The following CADPS variants were observed in gnomAD, a reference collection of about 807,000 sequenced individuals.
The protein encoded by CADPS is calcium dependent secretion activator.
A neutral mutation model predicts 167.3 loss-of-function variants in CADPS; 57 were observed. The observed-to-expected ratio is 0.34, with a 90% confidence interval of 0.28 to 0.42. The LOEUF (loss-of-function observed/expected upper bound fraction) is 0.42, where lower values mean the gene tolerates loss of function less well. CADPS is among the 20% of genes least tolerant of loss of function. The probability of loss-of-function intolerance (pLI) is 1.00; values close to 1 mark genes in which losing one functional copy is unlikely to be tolerated. For synonymous variants in CADPS, 676 were observed against 635.3 expected (o/e 1.06, Z -0.96); for missense variants, 1,414 against 1,738.1 (o/e 0.81, Z 3.32).
intron 3 of CADPS, among the ~76,000 whole-genome samples, chr3:62,752,507 C>T (rs1473881890): frequency 1.3e-5 from 2 of 152,170 alleles, no homozygotes; most frequent in Non-Finnish European, 2.9e-5. Context: ...AAATAATTTT[C>T]CATTATCCAT....
At chr3:62,623,040 G>A (rs1160527096) in intron 6 of CADPS, among the ~76,000 whole-genome samples, 1 of 152,178 alleles carries the variant, frequency 6.6e-6, no homozygotes, top group Non-Finnish European at 1.5e-5. Context: ...ATTTTGAAAT[G>A]CACCTTTGTT....
chr3:62,650,877 C>G lies in CADPS; in HGVS notation c.1173G>C (p.Lys391Asn). The G allele has an allele frequency of 6.2e-7, 1 of 1,614,028 alleles. No individual in the cohort carries two copies. Among genetic ancestry groups the G allele is most frequent in the Non-Finnish European group, 8.5e-7 (1 of 1,179,950 alleles). ...MGEESENQLS[K>N]SDVVLSFSLE... ...ATGAGAAAGACAGCACGACATCTGA[C>G]TTGGAGAGCTGGTTCTCACTCTCCT... The change falls in exon 5 of 30, where the codon AAG becomes AAC. Residue 391 changes from lysine to asparagine, a missense_variant. Physicochemically the swap from Lys to Asn is moderately conservative, Grantham distance 94 (BLOSUM62 0). This residue lies in a region of CADPS where 522 missense variants were observed against 559.5 expected (regional missense o/e 0.93). Coordinates refer to ENST00000383710, the MANE Select transcript of CADPS (RefSeq NM_003716.4).
At chr3:62,711,360 T>G (rs529819912) in intron 3 of CADPS, among the ~76,000 whole-genome samples, 5 of 152,302 alleles carry the variant, frequency 3.3e-5, no homozygotes, top group Non-Finnish European at 7.3e-5. Flanking sequence ...CTAGTATTAT[T>G]TTGGTTTGTT....
chr3:62,765,251 C>G (rs1317390208), intron 2 of CADPS, among the ~76,000 whole-genome samples: 1 of 152,102 alleles, frequency 6.6e-6, no homozygotes, highest in Non-Finnish European at 1.5e-5. Flanking sequence ...AAATACAAAT[C>G]CACTTTACTG....
intron 28 of CADPS, among the ~76,000 whole-genome samples, chr3:62,415,864 G>GA (rs148554761): frequency 0.015 from 2,323 of 152,260 alleles, 30 homozygotes; most frequent in South Asian, 0.023. Context: ...TGGGAGTGGG[G>GA]ATGCTCTGCA....
Position 62,516,518 on chromosome 3 carries a change from C to T in CADPS, c.2457+62G>A, listed in dbSNP as rs542340162. 13 of 1,285,150 alleles carry T rather than the reference C, an allele frequency of 1.0e-5. No homozygotes were observed. In the East Asian group the frequency reaches 3.1e-4, roughly 30 times the overall value. The allele number at this position is 1,285,150 out of a possible 1,614,324, so 79.6% of individuals were successfully genotyped here. A position where few individuals can be genotyped will look rare whatever the true frequency, so the allele number is the denominator to read the frequency against. Reference sequence around the variant, plus strand: ...ACTAGGTCATTCAACCAAAACATTTCATTACAATTATGCTTATGTCTTTTT... The same window carrying T: ...ACTAGGTCATTCAACCAAAACATTTTATTACAATTATGCTTATGTCTTTTT... On this transcript the variant is annotated intron_variant, in intron 15 of 29. Transcript: ENST00000383710.
intron 24 of CADPS, among the ~76,000 whole-genome samples, chr3:62,468,665 A>G (rs2060221566): frequency 6.6e-6 from 1 of 152,208 alleles, no homozygotes; most frequent in African/African-American, 2.4e-5. Context: ...CAATTTTTCC[A>G]TGCCAAACTT....
chr3:62,541,141 C>T (rs1349185924), intron 11 of CADPS, among the ~76,000 whole-genome samples: 2 of 152,062 alleles, frequency 1.3e-5, no homozygotes, highest in African/African-American at 2.4e-5. Context: ...TTTCATTAAC[C>T]GTATTTTTCT....
chr3:62,622,835 A>C lies in CADPS; in HGVS notation c.1325+22887T>G, dbSNP rs2063402047. ...TAGCCAACTTCAAAGGCCTGCGCTA[A>C]AATTCAGCCACAGCGCATTTTTAAT... On this transcript the variant is annotated intron_variant, in intron 6 of 29. Transcript: ENST00000383710. Among the ~76,000 whole-genome samples the C allele has an allele frequency of 3.3e-5, 5 of 152,326 alleles. No homozygotes were observed. In the South Asian group the frequency reaches 1.0e-3, roughly 32 times the overall value.
intron 1 of CADPS, among the ~76,000 whole-genome samples, chr3:62,797,296 C>T (rs956934829): frequency 1.5e-4 from 23 of 152,134 alleles, no homozygotes; most frequent in Middle Eastern, 3.4e-3. Context: ...TGTCCTGTGA[C>T]GGTGTTTGGT....
At chr3:62,654,497 A>C (rs908557015) in intron 4 of CADPS, among the ~76,000 whole-genome samples, 2 of 152,140 alleles carry the variant, frequency 1.3e-5, no homozygotes, top group African/African-American at 2.4e-5. Context: ...CCCATGGAAA[A>C]TACTGTAGGC....
At chr3:62,815,102 T>C (rs2094553849) in intron 1 of CADPS, among the ~76,000 whole-genome samples, 1 of 152,150 alleles carries the variant, frequency 6.6e-6, no homozygotes, top group Non-Finnish European at 1.5e-5. Flanking sequence ...CTGCTGTTCT[T>C]AAAATAAATG....
chr3:62,586,075 G>A (rs833641), intron 7 of CADPS, among the ~76,000 whole-genome samples: 532 of 152,248 alleles, frequency 3.5e-3, no homozygotes, highest in Middle Eastern at 6.8e-3. Context: ...TCCACTTTTC[G>A]CTTTGTGATC....
intron 9 of CADPS, among the ~76,000 whole-genome samples, chr3:62,560,819 G>A (rs1310350266): frequency 1.3e-5 from 2 of 152,260 alleles, no homozygotes; most frequent in African/African-American, 2.4e-5. Context: ...AGTGGCTTAC[G>A]CCTGTAATCC....
At position 62,617,850 on chromosome 3, in the gene CADPS, G is replaced by A. The variant is rs1004820792; in HGVS notation, c.1326-25102C>T. On this transcript the variant is annotated intron_variant, in intron 6 of 29. Transcript: ENST00000383710. ...AGGGTAGGCAGAGTTGGGAAAATTG[G>A]TGAAGTAGGCAAAGTTCGTGAACAT... Among the ~76,000 whole-genome samples, 6 of 152,242 alleles carry A rather than the reference G, an allele frequency of 3.9e-5. No individual in the cohort carries two copies. The East Asian group carries it at 9.7e-4, about 25-fold the overall frequency.
chr3:62,829,221 T>C (rs2074612805), intron 1 of CADPS, among the ~76,000 whole-genome samples: 1 of 152,200 alleles, frequency 6.6e-6, no homozygotes, highest in East Asian at 1.9e-4. Context: ...CAACCAACCA[T>C]GGATCAAAAA....
chr3:62,571,581 T>G (rs1192876650), intron 8 of CADPS, among the ~76,000 whole-genome samples: 4 of 151,982 alleles, frequency 2.6e-5, no homozygotes, highest in Admixed American at 1.3e-4. Flanking sequence ...TTTTTTTTTT[T>G]GGGACAGAGT....
chr3:62,738,353 GCCAATTAAA>G (rs925201627), intron 3 of CADPS, among the ~76,000 whole-genome samples: 2 of 152,116 alleles, frequency 1.3e-5, no homozygotes, highest in African/African-American at 4.8e-5. Context: ...TCTCAAAACT[GCCAATTAAA>G]AGCATGATTG....
chr3:62,607,237 G>C (rs955195687), intron 6 of CADPS, among the ~76,000 whole-genome samples: 1 of 152,168 alleles, frequency 6.6e-6, no homozygotes, highest in African/African-American at 2.4e-5. Flanking sequence ...ACTTGAAAAT[G>C]ACAGCTCTGT....
Sources: gnomAD v4.1 joint callset for allele counts (sites outside exome capture counted in the v4.1 genomes callset) on GRCh38, gnomAD v4.1.1 for gene constraint, gnomAD v4.1.1 regional missense constraint, MANE v1.5 for transcripts, NCBI Gene and HGNC (gene_info 2026-07-23, HGNC 2026-07-21) for gene names.